Variants in SELENON observed in about 807,000 individuals in gnomAD.
The protein encoded by SELENON is selenoprotein N, also known as selenoprotein N, 1.
A neutral mutation model predicts 59.5 loss-of-function variants in SELENON; 44 were observed. That is an observed-to-expected ratio of 0.74 (90% CI 0.58 to 0.95). The LOEUF (loss-of-function observed/expected upper bound fraction) is 0.95, where lower values mean the gene tolerates loss of function less well. Among genes scored for constraint, SELENON ranks in the 40% least tolerant of loss-of-function variants. The pLI, the probability that SELENON is intolerant of heterozygous loss-of-function variation, is 0.00. For synonymous variants in SELENON, 320 were observed against 305.6 expected, an observed-to-expected ratio of 1.05 and a Z score of -0.49; for missense variants, 674 against 721.4, an observed-to-expected ratio of 0.93 and a Z score of 0.75.
At chr1:25,815,129 C>T (rs114463384) in intron 12 of SELENON, among the ~76,000 whole-genome samples, 3,356 of 152,198 alleles carry the variant, frequency 0.022, 127 homozygotes, top group African/African-American at 0.076. Flanking sequence ...AAGACACAGC[C>T]CCGTGCTGAA....
chr1:25,800,207 C>T lies in SELENON; in HGVS notation c.-24C>T, dbSNP rs2124436296. ...CCCGCTCTTTCGCTTCCCGGGCCGC[C>T]GGCAGCCGCCGCCAGCCGCAGCCAT... On this transcript the variant is annotated 5_prime_UTR_variant, in exon 1 of 13. Coordinates refer to ENST00000361547, the MANE Select transcript of SELENON (RefSeq NM_020451.3). 1 of 556,566 alleles carries T rather than the reference C, an allele frequency of 1.8e-6. No homozygotes were observed. Among genetic ancestry groups the T allele is most frequent in the Middle Eastern group, 9.2e-4 (1 of 1,082 alleles). 34.5% of individuals were successfully genotyped at this position (556,566 alleles called of 1,614,324 possible). A position where few individuals can be genotyped will look rare whatever the true frequency, so the allele number is the denominator to read the frequency against.
In SELENON at chr1:25,809,286, C is replaced by G. The variant is rs2047937729; in HGVS notation, c.872+136C>G. On this transcript the variant is annotated intron_variant, in intron 6 of 12. Coordinates refer to ENST00000361547, the MANE Select transcript of SELENON (RefSeq NM_020451.3). ...GTCTTGGGCAAGCAGCTTTGGCTCT[C>G]TGAGCCTCAGTTTTCTCACCTGTGG... 5 of 1,348,408 alleles carry G rather than the reference C, an allele frequency of 3.7e-6. No homozygotes were observed. In the Admixed American group the frequency reaches 5.9e-5, roughly 16 times the overall value. 83.5% of individuals were successfully genotyped at this position (1,348,408 alleles called of 1,614,324 possible).
Position 25,813,873 on chromosome 1 carries a change from C to T in SELENON, c.1388-8C>T. 1 of 1,612,792 alleles carries T rather than the reference C, an allele frequency of 6.2e-7. No individual in the cohort carries two copies. Among genetic ancestry groups the T allele is most frequent in the Non-Finnish European group, 8.5e-7 (1 of 1,178,832 alleles). ...GGGGGCGCCTCACCCTTCTGTCTTC[C>T]TGAACAGGTTCAGGGCGGACTCTCC... On this transcript the variant is annotated splice_polypyrimidine_tract_variant and splice_region_variant and intron_variant, in intron 10 of 12. Coordinates refer to ENST00000361547, the MANE Select transcript of SELENON (RefSeq NM_020451.3).
intron 1 of SELENON, among the ~76,000 whole-genome samples, chr1:25,800,672 T>C (rs897198533): frequency 1.3e-4 from 19 of 151,826 alleles, no homozygotes; most frequent in African/African-American, 4.6e-4. Context: ...AGGGGTGACC[T>C]GGACACAGTG....
At chr1:25,809,343 C>T (rs1016185408) in intron 6 of SELENON, among the ~76,000 whole-genome samples, 193 bp downstream of exon 5, 2 of 152,192 alleles carry the variant, frequency 1.3e-5, no homozygotes, top group African/African-American at 2.4e-5. Context: ...TCGTAAGGCA[C>T]GTGAGGGTTC....
Position 25,814,107 on chromosome 1 carries a change from C to T in SELENON, c.1531C>T (p.Leu511=). The stretch of plus-strand genomic sequence containing the variant: ...CCAGGAGAACTCGTCCCACCAGAAG[C>T]TGGCTGGCCTGCACCTGGAGAAGTA... Residue 511 remains leucine (L), a synonymous_variant, in exon 12 of 13, where the codon CTG becomes TTG. Coordinates refer to ENST00000361547, the MANE Select transcript of SELENON (RefSeq NM_020451.3). 6.2e-7 allele frequency: 1 copy of T among 1,614,184 alleles called. No individual in the cohort carries two copies. The highest frequency in any genetic ancestry group is 1.1e-5 in the South Asian group (1 of 91,084).
At chr1:25,811,635 CCT>C in intron 8 of SELENON, 54 bp from the exon 8 acceptor site, 4 of 1,608,024 alleles carry the variant, frequency 2.5e-6, no homozygotes, top group Non-Finnish European at 3.4e-6. Context: ...TAGGGGAGCC[CCT>C]GAGGATTCTT....
chr1:25,808,134 G>C (rs2124446230), intron 4 of SELENON, among the ~76,000 whole-genome samples: 1 of 152,366 alleles, frequency 6.6e-6, no homozygotes, highest in East Asian at 1.9e-4. Flanking sequence ...ACTGGGGAGG[G>C]AGAGTAGGGC....
In SELENON at chr1:25,811,750, C is replaced by T. The variant is rs546136806; in HGVS notation, c.1152C>T (p.Ser384=). ...CCGTGATCCTGGATGAGGATGGCAGCATGATCGACAGCCACCTGCCTTCAG... is the reference window on the plus strand; with the variant it reads ...CCGTGATCCTGGATGAGGATGGCAGTATGATCGACAGCCACCTGCCTTCAG... Residue 384 remains serine (S), a synonymous_variant, in exon 9 of 13, where the codon AGC becomes AGT. Transcript: ENST00000361547. 2.1e-5 allele frequency: 33 copies of T among 1,599,942 alleles called. No individual in the cohort carries two copies. The South Asian group carries it at 3.5e-4, about 17-fold the overall frequency.
intron 7 of SELENON, 43 bp from the exon 7 acceptor site, chr1:25,811,411 A>G: frequency 6.6e-7 from 1 of 1,512,078 alleles, no homozygotes; most frequent in Non-Finnish European, 9.2e-7. Flanking sequence ...TGACACAGAT[A>G]ATGGGCTTTG....
chr1:25,808,923 C>T, intron 5 of SELENON, 103 bp from the exon 5 acceptor site: 1 of 1,592,372 alleles, frequency 6.3e-7, no homozygotes, highest in Non-Finnish European at 8.6e-7. Context: ...CTGCCCCCTC[C>T]CCATGGGGCC....
At chr1:25,802,859 A>G (rs2047871934) in intron 3 of SELENON, among the ~76,000 whole-genome samples, 1 of 152,124 alleles carries the variant, frequency 6.6e-6, no homozygotes, top group African/African-American at 2.4e-5. Context: ...ACACCTACTT[A>G]TTACCCAGAT....
In SELENON at chr1:25,805,180, C is replaced by T. The variant is rs1204388082; in HGVS notation, c.442C>T (p.Pro148Ser). 3 of 1,612,516 alleles carry T rather than the reference C, an allele frequency of 1.9e-6. No homozygotes were observed. Among genetic ancestry groups the T allele is most frequent in the African/African-American group, 1.3e-5 (1 of 74,922 alleles). Residue 148 changes from proline to serine, a missense_variant, in exon 4 of 13, where the codon CCC becomes TCC. Transcript: ENST00000361547. ...GGCCAGCTGCGAGGAGGAGGAGTTG[C>T]CCCCTGACCCTAGCGAGGAGACGCT...
intron 3 of SELENON, 100 bp from the exon 3 acceptor site, chr1:25,805,042 C>G (rs935885775): frequency 1.3e-6 from 2 of 1,523,526 alleles, no homozygotes; most frequent in African/African-American, 2.7e-5. Context: ...TACCCCCACC[C>G]CCTGCCTGGC....
intron 10 of SELENON, 66 bp downstream of exon 9, chr1:25,812,858 C>A: frequency 4.0e-6 from 5 of 1,240,946 alleles, no homozygotes; most frequent in South Asian, 1.3e-5. Context: ...GTACCAGAGG[C>A]TCTGAGACCA....
Position 25,801,054 on chromosome 1 carries a change from G to A in SELENON, c.195G>A (p.Leu65=). ...CTCCTCCCAAGCAGGAACTGGCGCT[G>A]AAGACCCTGGGGACAGATGGCCTTT... Residue 65 remains leucine (L), a synonymous_variant, in exon 2 of 13, where the codon CTG becomes CTA. Transcript: ENST00000361547. 1 of 1,614,162 alleles carries A rather than the reference G, an allele frequency of 6.2e-7. No homozygotes were observed. The highest frequency in any genetic ancestry group is 8.5e-7 in the Non-Finnish European group (1 of 1,179,992).
At chr1:25,809,272 G>A in intron 6 of SELENON, 122 bp downstream of exon 5, 1 of 1,452,712 alleles carries the variant, frequency 6.9e-7, no homozygotes, top group Non-Finnish European at 9.4e-7. Flanking sequence ...TCTTGGGCAA[G>A]CAGCTTTGGC....
In SELENON at chr1:25,811,890, G is replaced by C; in HGVS notation, c.1281+11G>C. ...TACCCCTTCAAGAAGGTGAGGCTGG[G>C]CAGGGGTGAAGGCCAGGGTCAGGCT... On this transcript the variant is annotated intron_variant, in intron 9 of 12. Coordinates refer to ENST00000361547, the MANE Select transcript of SELENON (RefSeq NM_020451.3). The C allele has an allele frequency of 6.4e-7, 1 of 1,555,462 alleles. No homozygotes were observed. The highest frequency in any genetic ancestry group is 2.4e-5 in the East Asian group (1 of 41,588).
At position 25,815,557 on chromosome 1, in the gene SELENON, A is replaced by T. The variant is rs1410116336; in HGVS notation, c.1612A>T (p.Ile538Phe). ...CCGGCCCTTCTCCCAGGTCCATCAC[A>T]TCAATGCCAACTACTTCTTGGACAT... Residue 538 changes from isoleucine to phenylalanine, a missense_variant, in exon 13 of 13, where the codon ATC (isoleucine) becomes TTC (phenylalanine). Coordinates refer to ENST00000361547, the MANE Select transcript of SELENON (RefSeq NM_020451.3). The T allele has an allele frequency of 6.2e-7, 1 of 1,614,108 alleles. No homozygotes were observed. The highest frequency in any genetic ancestry group is 8.5e-7 in the Non-Finnish European group (1 of 1,179,984).
Sources: allele counts gnomAD v4.1 joint callset (sites outside exome capture counted in the v4.1 genomes callset), GRCh38; gene constraint gnomAD v4.1.1; transcripts MANE v1.5; gene names NCBI Gene and HGNC (gene_info 2026-07-23, HGNC 2026-07-21).